Variants in PTPRM observed in about 807,000 individuals in gnomAD.
The protein encoded by PTPRM is receptor-type tyrosine-protein phosphatase mu.
A neutral mutation model predicts 186.7 loss-of-function variants in PTPRM; 47 were observed. The observed-to-expected ratio is 0.25, with a 90% CI of 0.20 to 0.32. The LOEUF is 0.32. PTPRM is among the 10% of genes least tolerant of loss of function. The pLI, the probability that PTPRM is intolerant of heterozygous loss-of-function variation, is 1.00. For missense variants in PTPRM, 1,494 were observed against 1,865.0 expected (o/e 0.80, Z 3.66); for synonymous variants, 668 against 674.9 (o/e 0.99, Z 0.16).
chr18:8,307,264 G>A (rs948249454), intron 20 of PTPRM, among the ~76,000 whole-genome samples: 7 of 152,156 alleles, frequency 4.6e-5, no homozygotes, highest in African/African-American at 1.7e-4. Context: ...AACTTGAGAA[G>A]TGCTGACCTG....
chr18:7,898,554 A>C (rs917059465), intron 3 of PTPRM, among the ~76,000 whole-genome samples: 2 of 152,198 alleles, frequency 1.3e-5, no homozygotes, highest in Admixed American at 6.5e-5. Flanking sequence ...ATGGATTTTC[A>C]TGAGCAAATG....
intron 14 of PTPRM, among the ~76,000 whole-genome samples, chr18:8,148,193 C>T (rs967357264): frequency 2.6e-5 from 4 of 151,992 alleles, no homozygotes; most frequent in Non-Finnish European, 5.9e-5. Flanking sequence ...CTCTCTTTTT[C>T]TGTTGTTTGG....
intron 1 of PTPRM, among the ~76,000 whole-genome samples, chr18:7,761,008 A>G (rs1281030597): frequency 6.6e-6 from 1 of 152,212 alleles, no homozygotes; most frequent in Non-Finnish European, 1.5e-5. Flanking sequence ...AAAATAATAC[A>G]TGCTAAAAAG....
At chr18:7,677,427 C>A (rs564175063) in intron 1 of PTPRM, among the ~76,000 whole-genome samples, 1 of 152,146 alleles carries the variant, frequency 6.6e-6, no homozygotes, top group African/African-American at 2.4e-5. Context: ...TGATGGCCAC[C>A]AGGACTGAAG....
In PTPRM at chr18:7,666,441, G is replaced by C. The variant is rs375080613; in HGVS notation, c.73+98550G>C. Among the ~76,000 whole-genome samples the C allele has an allele frequency of 4.2e-3, 640 of 152,300 alleles. 3 individuals carry two copies. The highest frequency in any genetic ancestry group is 7.6e-3 in the Non-Finnish European group (518 of 68,012). On this transcript the variant is annotated intron_variant, in intron 1 of 32. Transcript: ENST00000580170. ...AGGGAGCAGGTATCAGGGTGCTTTT[G>C]CTAGCATAAACACTGGGGCACCCTT...
chr18:7,726,492 T>C (rs1487997597), intron 1 of PTPRM, among the ~76,000 whole-genome samples: 2 of 152,194 alleles, frequency 1.3e-5, no homozygotes, highest in East Asian at 3.9e-4. Context: ...GAAGGATTAC[T>C]AATCTTTTAC....
At chr18:7,766,223 C>T (rs2042007974) in intron 1 of PTPRM, among the ~76,000 whole-genome samples, 1 of 152,278 alleles carries the variant, frequency 6.6e-6, no homozygotes, top group African/African-American at 2.4e-5. Context: ...CCCTTCTAAA[C>T]TGCCATTTGT....
intron 23 of PTPRM, among the ~76,000 whole-genome samples, chr18:8,348,060 T>C (rs952504973): frequency 1.3e-5 from 2 of 152,368 alleles, no homozygotes; most frequent in Admixed American, 6.5e-5. Context: ...AGATAGCTCC[T>C]CCATTTTTAG....
At chr18:8,040,506 T>G (rs1004327620) in intron 7 of PTPRM, among the ~76,000 whole-genome samples, 2 of 152,144 alleles carry the variant, frequency 1.3e-5, no homozygotes, top group Non-Finnish European at 2.9e-5. Flanking sequence ...AAGAACAGAA[T>G]CACAGATTTG....
chr18:7,610,814 G>A (rs1170713402), intron 1 of PTPRM, among the ~76,000 whole-genome samples: 1 of 152,322 alleles, frequency 6.6e-6, no homozygotes, highest in South Asian at 2.1e-4. Context: ...CTTTTAGATT[G>A]TTATTTTAGA....
intron 2 of PTPRM, among the ~76,000 whole-genome samples, chr18:7,833,976 G>A (rs1159888355): frequency 6.6e-6 from 1 of 152,076 alleles, no homozygotes; most frequent in East Asian, 1.9e-4. Flanking sequence ...GATTGTTCTA[G>A]CTAGGACTTC....
intron 3 of PTPRM, among the ~76,000 whole-genome samples, chr18:7,906,194 G>T (rs1223636821): frequency 1.3e-5 from 2 of 152,080 alleles, no homozygotes; most frequent in Non-Finnish European, 2.9e-5. Flanking sequence ...TCACTATCCT[G>T]TGAGCTTCCT....
At chr18:8,211,143 T>C (rs1423365260) in intron 14 of PTPRM, among the ~76,000 whole-genome samples, 3 of 152,080 alleles carry the variant, frequency 2.0e-5, no homozygotes, top group African/African-American at 7.2e-5. Context: ...TTTAGAAGAC[T>C]TGGGCTATCG....
At chr18:8,260,475 A>G (rs1207974210) in intron 19 of PTPRM, among the ~76,000 whole-genome samples, 2 of 152,208 alleles carry the variant, frequency 1.3e-5, no homozygotes, top group South Asian at 2.1e-4. Flanking sequence ...CTCTGTAACA[A>G]CCTGCTCTTG....
intron 2 of PTPRM, among the ~76,000 whole-genome samples, chr18:7,795,814 T>TTTC (rs2043607685): frequency 7.0e-6 from 1 of 142,548 alleles, no homozygotes; most frequent in African/African-American, 2.9e-5. Context: ...TTCTTTCTTT[T>TTTC]TTTTTTTTTT....
chr18:8,074,656 A>G (rs1165961716), intron 8 of PTPRM, among the ~76,000 whole-genome samples: 1 of 152,118 alleles, frequency 6.6e-6, no homozygotes, highest in Non-Finnish European at 1.5e-5. Flanking sequence ...CTAGCTAATG[A>G]TACTGAGTAT....
chr18:7,849,999 C>T (rs1004572560), intron 2 of PTPRM, among the ~76,000 whole-genome samples: 1 of 152,124 alleles, frequency 6.6e-6, no homozygotes, highest in East Asian at 1.9e-4. Context: ...TCAAAGACAC[C>T]TATGACATTG....
At chr18:8,392,961 G>A (rs1373634696) in intron 31 of PTPRM, among the ~76,000 whole-genome samples, 1 of 152,188 alleles carries the variant, frequency 6.6e-6, no homozygotes, top group East Asian at 1.9e-4. Flanking sequence ...GTAGAATGTT[G>A]AAAGAGAGGG....
At chr18:8,247,355 C>T (rs2094486798) in intron 15 of PTPRM, among the ~76,000 whole-genome samples, 1 of 152,174 alleles carries the variant, frequency 6.6e-6, no homozygotes, top group African/African-American at 2.4e-5. Context: ...ACGCATGGAG[C>T]ACCACCTTTG....
Sources: gnomAD v4.1 joint callset for allele counts (sites outside exome capture counted in the v4.1 genomes callset) on GRCh38, gnomAD v4.1.1 for gene constraint, MANE v1.5 for transcripts, NCBI Gene and HGNC (gene_info 2026-07-23, HGNC 2026-07-21) for gene names.